PDE7B: variants seen among roughly 807,000 people sequenced by gnomAD.
PDE7B encodes 3',5'-cyclic-AMP phosphodiesterase 7B.
In PDE7B, 29 loss-of-function variants were observed where a neutral mutation model predicts 56.2. The ratio of observed to expected loss-of-function variants is 0.52; its 90% CI spans 0.38 to 0.70. The LOEUF (loss-of-function observed/expected upper bound fraction) is 0.70. Among genes scored for constraint, PDE7B ranks in the 30% least tolerant of loss-of-function variants. The pLI is 0.00. For missense variants in PDE7B, 490 were observed against 565.0 expected (o/e 0.87, Z 1.35); for synonymous variants, 197 against 196.9 (o/e 1.00, Z 0.00).
At chr6:135,903,368 C>T (rs1776040061) in intron 1 of PDE7B, among the ~76,000 whole-genome samples, 1 of 152,128 alleles carries the variant, frequency 6.6e-6, no homozygotes, top group Non-Finnish European at 1.5e-5. Context: ...GAGTTCTAAC[C>T]CATCTGTGTG....
rs371823468 is a variant in PDE7B, at chr6:135,988,630, T to C, written c.82+41106T>C. On this transcript the variant is annotated intron_variant, in intron 2 of 12. Transcript: ENST00000308191. ...AGAAGGGAGATACAAAATATGTTCT[T>C]CTTCCTTAGAGATACAGTTAAGATG... is the stretch of plus-strand genomic sequence containing the variant. Among the ~76,000 whole-genome samples, 154 of 152,304 alleles carry C rather than the reference T, an allele frequency of 1.0e-3. 4 individuals carry two copies. In the South Asian group the frequency reaches 0.03, roughly 30 times the overall value.
chr6:136,074,279 G>A (rs1175024259), intron 2 of PDE7B, among the ~76,000 whole-genome samples: 4 of 151,418 alleles, frequency 2.6e-5, no homozygotes, highest in Admixed American at 1.3e-4. Flanking sequence ...GTTGTTTAAG[G>A]GTTTTTTAAT....
chr6:136,070,159 AC>A (rs1416139371), intron 2 of PDE7B: 6 of 151,156 alleles, frequency 4.0e-5, no homozygotes, highest in Non-Finnish European at 7.4e-5. Context: ...AAAAAAAAAA[AC>A]AGAAGATTTA....
At chr6:135,978,492 C>A (rs930919023) in intron 2 of PDE7B, among the ~76,000 whole-genome samples, 16 of 152,104 alleles carry the variant, frequency 1.1e-4, no homozygotes, top group African/African-American at 3.9e-4. Context: ...ATTATTTCTT[C>A]AAGAATAAAT....
chr6:136,141,653 T>C (rs1346542284), intron 3 of PDE7B, among the ~76,000 whole-genome samples: 9 of 152,232 alleles, frequency 5.9e-5, no homozygotes, highest in Admixed American at 5.2e-4. Context: ...ATCCTGTTAT[T>C]GGTCTATTCA....
intron 2 of PDE7B, among the ~76,000 whole-genome samples, chr6:136,016,463 T>C (rs928111393): frequency 6.6e-6 from 1 of 152,206 alleles, no homozygotes; most frequent in Non-Finnish European, 1.5e-5. Flanking sequence ...TAATAAGCGC[T>C]CGATAAATAT....
intron 11 of PDE7B, among the ~76,000 whole-genome samples, chr6:136,182,549 C>G (rs1779083249): frequency 6.6e-6 from 1 of 152,214 alleles, no homozygotes; most frequent in African/African-American, 2.4e-5. Flanking sequence ...AGAGTCTACT[C>G]TAGCCCACTT....
At chr6:136,054,856 A>G (rs1411840929) in intron 2 of PDE7B, among the ~76,000 whole-genome samples, 14 of 152,232 alleles carry the variant, frequency 9.2e-5, no homozygotes, top group Admixed American at 9.2e-4. Flanking sequence ...TGGCAGGCAA[A>G]GAGAGTGTGT....
chr6:136,036,400 T>G (rs572816267), intron 2 of PDE7B, among the ~76,000 whole-genome samples: 1 of 152,362 alleles, frequency 6.6e-6, no homozygotes, highest in South Asian at 2.1e-4. Context: ...TCTTTATTAT[T>G]GTTTTATACC....
chr6:135,918,703 A>C (rs1198682054), intron 1 of PDE7B, among the ~76,000 whole-genome samples: 1 of 152,220 alleles, frequency 6.6e-6, no homozygotes, highest in Non-Finnish European at 1.5e-5. Context: ...TTATTATAAA[A>C]GATAGCTCCT....
At chr6:135,995,724 A>G (rs1775553750) in intron 2 of PDE7B, among the ~76,000 whole-genome samples, 2 of 152,248 alleles carry the variant, frequency 1.3e-5, no homozygotes, top group Admixed American at 6.5e-5. Context: ...TACCAGCGCA[A>G]AGCCTTGCCC....
chr6:136,124,553 G>A (rs773384984), intron 3 of PDE7B, among the ~76,000 whole-genome samples: 1 of 152,182 alleles, frequency 6.6e-6, no homozygotes, highest in Non-Finnish European at 1.5e-5. Flanking sequence ...AGTCCATATG[G>A]AGAGTAATGC....
At chr6:135,921,162 G>A (rs568227415) in intron 1 of PDE7B, among the ~76,000 whole-genome samples, 1 of 152,066 alleles carries the variant, frequency 6.6e-6, no homozygotes, top group Admixed American at 6.6e-5. Flanking sequence ...AATAACTGTC[G>A]TTTCTTGGAT....
chr6:135,858,409 T>C (rs1775079241), intron 1 of PDE7B, among the ~76,000 whole-genome samples: 2 of 152,194 alleles, frequency 1.3e-5, no homozygotes, highest in African/African-American at 4.8e-5. Flanking sequence ...CGCCTTGGCC[T>C]CCCAAAGTGC....
chr6:135,891,286 A>C (rs951048930), intron 1 of PDE7B, among the ~76,000 whole-genome samples: 2 of 152,248 alleles, frequency 1.3e-5, no homozygotes, highest in African/African-American at 4.8e-5. Context: ...GATTAGAAAA[A>C]GAATCTGAAA....
At chr6:135,940,811 T>C (rs1774495328) in intron 1 of PDE7B, among the ~76,000 whole-genome samples, 1 of 152,140 alleles carries the variant, frequency 6.6e-6, no homozygotes, top group Non-Finnish European at 1.5e-5. Context: ...CCTGGAAAAA[T>C]AATCTCTTCT....
chr6:135,880,042 G>T (rs940622847), intron 1 of PDE7B, among the ~76,000 whole-genome samples: 12 of 152,172 alleles, frequency 7.9e-5, no homozygotes, highest in African/African-American at 2.7e-4. Flanking sequence ...GAGCAGAAAA[G>T]TGAGCAAGCC....
intron 1 of PDE7B, among the ~76,000 whole-genome samples, chr6:135,915,486 G>A (rs1412379937): frequency 6.6e-6 from 1 of 152,124 alleles, no homozygotes; most frequent in Non-Finnish European, 1.5e-5. Flanking sequence ...ATTCCTGTAG[G>A]CAAGTCTAAT....
At chr6:135,916,077 A>C (rs1773927738) in intron 1 of PDE7B, among the ~76,000 whole-genome samples, 1 of 152,130 alleles carries the variant, frequency 6.6e-6, no homozygotes, top group South Asian at 2.1e-4. Flanking sequence ...CTGGGGCAGA[A>C]CTACACAGTC....
Sources: gnomAD v4.1 joint callset for allele counts (sites outside exome capture counted in the v4.1 genomes callset) on GRCh38, gnomAD v4.1.1 for gene constraint, MANE v1.5 for transcripts, NCBI Gene and HGNC (gene_info 2026-07-23, HGNC 2026-07-21) for gene names.